The following DLG2 variants were observed in gnomAD, a reference collection of about 807,000 sequenced individuals.
The protein encoded by DLG2 is discs large MAGUK scaffold protein 2.
DLG2 carries 45 observed loss-of-function variants against 132.5 expected under a neutral mutation model. The observed-to-expected ratio is 0.34, with a 90% confidence interval of 0.27 to 0.44. The LOEUF (loss-of-function observed/expected upper bound fraction) is 0.44. DLG2 is among the 20% of genes least tolerant of loss of function. The pLI is 1.00. For synonymous variants in DLG2, 424 were observed against 419.6 expected (o/e 1.01, Z -0.13); for missense variants, 1,045 against 1,196.9 (o/e 0.87, Z 1.87).
At chr11:85,163,068 C>G (rs556293687) in intron 4 of DLG2, among the ~76,000 whole-genome samples, 1 of 152,176 alleles carries the variant, frequency 6.6e-6, no homozygotes, top group South Asian at 2.1e-4. Context: ...TTCTCCCATG[C>G]TGGAAGCTTC....
chr11:84,115,829 G>A (rs2093609021), intron 9 of DLG2, among the ~76,000 whole-genome samples: 1 of 152,054 alleles, frequency 6.6e-6, no homozygotes, highest in Non-Finnish European at 1.5e-5. Flanking sequence ...TTTGTTAACT[G>A]CATATATATT....
chr11:84,625,878 A>G (rs1347955934), intron 6 of DLG2, among the ~76,000 whole-genome samples: 1 of 152,222 alleles, frequency 6.6e-6, no homozygotes, highest in Admixed American at 6.5e-5. Flanking sequence ...GCAGTCTTCT[A>G]ATCATATCAA....
At chr11:85,309,999 A>C (rs1036807666) in intron 3 of DLG2, among the ~76,000 whole-genome samples, 2 of 152,208 alleles carry the variant, frequency 1.3e-5, no homozygotes, top group Non-Finnish European at 2.9e-5. Flanking sequence ...ATGCTGATAC[A>C]ATCATTTTAG....
intron 15 of DLG2, among the ~76,000 whole-genome samples, chr11:83,890,459 T>C (rs982593738): frequency 4.2e-4 from 64 of 152,190 alleles, no homozygotes; most frequent in Non-Finnish European, 8.8e-4. Context: ...CCATTCCTTT[T>C]CAGTTGTTAC....
intron 6 of DLG2, among the ~76,000 whole-genome samples, chr11:84,848,490 T>A (rs1169733407): frequency 1.3e-5 from 2 of 152,036 alleles, no homozygotes; most frequent in Non-Finnish European, 2.9e-5. Flanking sequence ...TGAGACTCCA[T>A]CTCAGAAAAA....
chr11:84,730,139 C>G (rs538034595), intron 6 of DLG2, among the ~76,000 whole-genome samples: 2 of 151,946 alleles, frequency 1.3e-5, no homozygotes. Context: ...CCTCATTGTT[C>G]ACCAAATTTG....
Position 84,218,109 on chromosome 11 carries a change from G to A in DLG2, c.573+33129C>T, listed in dbSNP as rs530179856. Among the ~76,000 whole-genome samples, 19 of 151,930 alleles carry A rather than the reference G, an allele frequency of 1.3e-4. No individual in the cohort carries two copies. In the East Asian group the frequency reaches 2.1e-3, roughly 17 times the overall value. On this transcript the variant is annotated intron_variant, in intron 8 of 27. Coordinates refer to ENST00000376104, the MANE Select transcript of DLG2 (RefSeq NM_001142699.3). ...TTTGAACCCAGGAGGTGGAAATTGCGGTGAGCTGAGATTGTGCCACTGCAC... is the reference window on the plus strand; with the variant it reads ...TTTGAACCCAGGAGGTGGAAATTGCAGTGAGCTGAGATTGTGCCACTGCAC...
intron 18 of DLG2, among the ~76,000 whole-genome samples, chr11:83,759,065 T>G (rs966942590): frequency 5.3e-5 from 8 of 152,218 alleles, no homozygotes; most frequent in African/African-American, 1.9e-4. Flanking sequence ...CTAATATATT[T>G]CAGACACCGG....
chr11:85,251,385 T>C (rs2076388147), intron 4 of DLG2, among the ~76,000 whole-genome samples: 1 of 152,322 alleles, frequency 6.6e-6, no homozygotes, highest in Non-Finnish European at 1.5e-5. Flanking sequence ...TTTTTCTTTT[T>C]ATGGGAATCA....
chr11:83,750,242 G>A (rs942268253), intron 18 of DLG2, among the ~76,000 whole-genome samples: 17 of 151,954 alleles, frequency 1.1e-4, no homozygotes, highest in African/African-American at 3.9e-4. Context: ...TTTTCTAGTG[G>A]TGTTCATGGG....
At chr11:84,702,187 G>A (rs562567386) in intron 6 of DLG2, among the ~76,000 whole-genome samples, 54 of 151,622 alleles carry the variant, frequency 3.6e-4, no homozygotes, top group Non-Finnish European at 7.1e-4. Flanking sequence ...AAACCTCTTG[G>A]TCTTCTGTGC....
At chr11:84,991,338 G>C (rs192532849) in intron 6 of DLG2, among the ~76,000 whole-genome samples, 1 of 151,664 alleles carries the variant, frequency 6.6e-6, no homozygotes, top group Non-Finnish European at 1.5e-5. Flanking sequence ...GCAAAACCCC[G>C]TCTCTACAAA....
rs907410107 is a variant in DLG2 at position 84,883,376 on chromosome 11, A to G, written c.357+228285T>C. On this transcript the variant is annotated intron_variant, in intron 6 of 27. Transcript: ENST00000376104. ...CTAATGTATGCGGGGCTTAAAACCT[A>G]GATGACGGGTTGATAGGTGCAGTAC... Among the ~76,000 whole-genome samples the G allele has an allele frequency of 2.6e-5, 4 of 152,038 alleles. No homozygotes were observed. In the East Asian group the frequency reaches 7.7e-4, roughly 29 times the overall value.
chr11:84,649,581 C>G (rs560849689), intron 6 of DLG2, among the ~76,000 whole-genome samples: 1 of 152,266 alleles, frequency 6.6e-6, no homozygotes, highest in South Asian at 2.1e-4. Flanking sequence ...TGTTTTGTAA[C>G]ATGTTTTTAA....
chr11:84,128,970 T>C (rs925142855), intron 9 of DLG2, among the ~76,000 whole-genome samples: 2 of 152,154 alleles, frequency 1.3e-5, no homozygotes, highest in Non-Finnish European at 1.5e-5. Flanking sequence ...AGCAGTCTTT[T>C]TATTTCAGCC....
intron 8 of DLG2, among the ~76,000 whole-genome samples, chr11:84,238,645 T>A (rs1427215755): frequency 2.0e-5 from 3 of 151,808 alleles, no homozygotes; most frequent in Non-Finnish European, 4.4e-5. Flanking sequence ...ATTTGCTTTT[T>A]TTTTTTTGGA....
intron 3 of DLG2, among the ~76,000 whole-genome samples, chr11:85,564,324 C>T (rs2153224307): frequency 6.6e-6 from 1 of 151,902 alleles, no homozygotes; most frequent in South Asian, 2.1e-4. Flanking sequence ...AAAATCTTTG[C>T]TCATTCCATG....
intron 18 of DLG2, among the ~76,000 whole-genome samples, chr11:83,671,467 C>A (rs558087017): frequency 6.6e-6 from 1 of 152,266 alleles, no homozygotes; most frequent in East Asian, 1.9e-4. Context: ...AAAGAAAAAT[C>A]TGTCCTTACT....
intron 7 of DLG2, among the ~76,000 whole-genome samples, chr11:84,399,181 G>A (rs939182850): frequency 1.3e-5 from 2 of 152,036 alleles, no homozygotes; most frequent in Admixed American, 6.6e-5. Flanking sequence ...AAAATGCCGG[G>A]AATGCCTTTC....
Sources: allele counts gnomAD v4.1 joint callset (sites outside exome capture counted in the v4.1 genomes callset), GRCh38; gene constraint gnomAD v4.1.1; transcripts MANE v1.5; gene names NCBI Gene and HGNC (gene_info 2026-07-23, HGNC 2026-07-21).